The following EVC2 variants were observed in gnomAD, a reference collection of about 807,000 sequenced individuals.
The protein encoded by EVC2 is limbin.
In EVC2, 148 loss-of-function variants were observed where a neutral mutation model predicts 149.3. That is an observed-to-expected ratio of 0.99 (90% CI 0.87 to 1.14). The LOEUF is 1.14. Ranked by LOEUF, EVC2 falls within the 50% of genes most tolerant of loss-of-function variation. The probability of loss-of-function intolerance (pLI) is 0.00; values close to 1 mark genes in which losing one functional copy is unlikely to be tolerated. For missense variants in EVC2, 1,854 were observed against 1,627.3 expected, an observed-to-expected ratio of 1.14 and a Z score of -2.40; for synonymous variants, 776 against 649.9, an observed-to-expected ratio of 1.19 and a Z score of -2.95.
At chr4:5,593,539 G>A (rs964911524) in intron 16 of EVC2, among the ~76,000 whole-genome samples, 2 of 152,312 alleles carry the variant, frequency 1.3e-5, no homozygotes, top group East Asian at 1.9e-4. Flanking sequence ...CTAAAGAAAC[G>A]CTGCTGAAAT....
intron 21 of EVC2, among the ~76,000 whole-genome samples, chr4:5,544,188 C>T (rs1007725278): frequency 2.6e-5 from 4 of 151,900 alleles, no homozygotes; most frequent in Admixed American, 1.3e-4. Context: ...GCTTACCTGG[C>T]CACAACCTAA....
chr4:5,574,131 G>A (rs1722783417), intron 19 of EVC2, among the ~76,000 whole-genome samples: 1 of 152,202 alleles, frequency 6.6e-6, no homozygotes, highest in Non-Finnish European at 1.5e-5. Context: ...ACAGACACCA[G>A]AAGCACAGGA....
Position 5,575,844 on chromosome 4 carries a change from T to C in EVC2, c.3272+396A>G, listed in dbSNP as rs745430514. 3.3e-5 allele frequency among the ~76,000 whole-genome samples: 5 copies of C among 152,180 alleles called. No individual in the cohort carries two copies. The South Asian group carries it at 6.2e-4, about 19-fold the overall frequency. On this transcript the variant is annotated intron_variant, in intron 18 of 21. Transcript: ENST00000344408. ...ATAAAATACTATGCTTATGGTGAAA[T>C]TGCAATAAGGCCTGTAGTCTAGTTC...
chr4:5,616,790 G>A (rs536490073), intron 15 of EVC2, among the ~76,000 whole-genome samples: 3 of 152,242 alleles, frequency 2.0e-5, no homozygotes, highest in East Asian at 1.9e-4. Context: ...GGAGAATGTG[G>A]AGCGAGCACC....
rs1275653312 is a variant in EVC2, at chr4:5,569,596, C to A, written c.3361-956G>T. Reference sequence around the variant, plus strand: ...GGCCCCAGGACAGAGCTATTGGGTGCCCAAAGGCCATGAGAAGGAGCAGTG... The same window carrying A: ...GGCCCCAGGACAGAGCTATTGGGTGACCAAAGGCCATGAGAAGGAGCAGTG... On this transcript the variant is annotated intron_variant, in intron 19 of 21. Transcript: ENST00000344408. This position sits in a 1 kb window ranked among gnomAD's most constrained non-coding sequence, Gnocchi z 4.8. Among the ~76,000 whole-genome samples the A allele has an allele frequency of 2.0e-5, 3 of 152,130 alleles. No individual in the cohort carries two copies. The highest frequency in any genetic ancestry group is 4.2e-4 in the South Asian group (2 of 4,808).
intron 9 of EVC2, among the ~76,000 whole-genome samples, chr4:5,644,318 T>C (rs1717552976): frequency 6.6e-6 from 1 of 152,216 alleles, no homozygotes; most frequent in African/African-American, 2.4e-5. Flanking sequence ...TATTTATTTA[T>C]TCTTTTAGAC....
At position 5,615,490 on chromosome 4, in the gene EVC2, G is replaced by A. The variant is rs754377858; in HGVS notation, c.2761C>T (p.Leu921=). 3.7e-6 allele frequency: 6 copies of A among 1,614,116 alleles called. No homozygotes were observed. The highest frequency in any genetic ancestry group is 5.1e-6 in the Non-Finnish European group (6 of 1,180,058). Residue 921 remains leucine (L), a synonymous_variant, in exon 16 of 22, where the codon CTG becomes TTG. Coordinates refer to ENST00000344408, the MANE Select transcript of EVC2 (RefSeq NM_147127.5). ...RSKSKSKGEL[L]KKCIEDKIHL... ...ATTTTGTCTTCGATGCACTTCTTCA[G>A]AAGCTCTCCCTTGCTTTTACTCTTG...
At chr4:5,572,005 C>T (rs1156730332) in intron 19 of EVC2, among the ~76,000 whole-genome samples, 1 of 152,200 alleles carries the variant, frequency 6.6e-6, no homozygotes, top group Non-Finnish European at 1.5e-5. Context: ...GCCAACCCTG[C>T]AGAATTTGGA....
At chr4:5,565,485 A>G in intron 20 of EVC2, 126 bp from the exon 21 acceptor site, 1 of 768,058 alleles carries the variant, frequency 1.3e-6, no homozygotes, top group Non-Finnish European at 2.2e-6. Flanking sequence ...AGCCTGGCCA[A>G]CATGGTGAAA....
intron 17 of EVC2, 31 bp downstream of exon 17, chr4:5,584,592 T>C (rs1712098121): frequency 3.7e-6 from 6 of 1,601,468 alleles, no homozygotes; most frequent in Non-Finnish European, 5.1e-6. Context: ...CCCAGCTCTG[T>C]CCCCCTCTCC....
intron 21 of EVC2, among the ~76,000 whole-genome samples, chr4:5,563,658 G>A (rs1459230641): frequency 1.3e-5 from 2 of 152,110 alleles, no homozygotes; most frequent in African/African-American, 4.8e-5. Context: ...GGAGTTTTGC[G>A]AGCCCACTGT....
intron 9 of EVC2, among the ~76,000 whole-genome samples, chr4:5,656,097 T>C (rs2108886100): frequency 6.6e-6 from 1 of 152,276 alleles, no homozygotes; most frequent in African/African-American, 2.4e-5. Context: ...GAGTCTCCTC[T>C]TGCATGACCT....
intron 16 of EVC2, among the ~76,000 whole-genome samples, chr4:5,598,961 C>T (rs1713724386): frequency 6.6e-6 from 1 of 152,116 alleles, no homozygotes; most frequent in African/African-American, 2.4e-5. Context: ...CCAAAAGACA[C>T]ATGAAAAAAT....
chr4:5,682,428 T>C (rs532798172), intron 6 of EVC2, among the ~76,000 whole-genome samples: 2 of 150,942 alleles, frequency 1.3e-5, no homozygotes, highest in South Asian at 4.2e-4. Flanking sequence ...AGGAGGAGGT[T>C]GCAGTGAGCT....
chr4:5,582,796 G>A (rs1291969566), intron 17 of EVC2, among the ~76,000 whole-genome samples: 4 of 152,194 alleles, frequency 2.6e-5, no homozygotes, highest in African/African-American at 9.7e-5. Context: ...TGTTCAGCAC[G>A]ATCCCTTCGG....
intron 16 of EVC2, among the ~76,000 whole-genome samples, chr4:5,598,718 T>A (rs997465765): frequency 6.6e-6 from 1 of 152,062 alleles, no homozygotes; most frequent in African/African-American, 2.4e-5. Flanking sequence ...AATTGACAAA[T>A]GGGATCTCAT....
chr4:5,664,737 C>G (rs1438473978), intron 8 of EVC2, among the ~76,000 whole-genome samples: 1 of 152,192 alleles, frequency 6.6e-6, no homozygotes, highest in Non-Finnish European at 1.5e-5. Flanking sequence ...CTAAGCCCAT[C>G]AGGGCCCAGG....
At position 5,618,036 on chromosome 4, in the gene EVC2, T is replaced by C. The variant is rs1577163865; in HGVS notation, c.2706+442A>G. Among the ~76,000 whole-genome samples the C allele has an allele frequency of 6.6e-6, 1 of 152,288 alleles. No homozygotes were observed. The highest frequency in any genetic ancestry group is 2.1e-4 in the South Asian group (1 of 4,830). ...CCAGTCATCATCCTTTAAGACCCTG[T>C]GCAAGAGCCCCTCTTTCCCTGACCC... On this transcript the variant is annotated intron_variant, in intron 15 of 21. Coordinates refer to ENST00000344408, the MANE Select transcript of EVC2 (RefSeq NM_147127.5). The surrounding 1 kb of genome is among the most constrained non-coding windows in gnomAD (Gnocchi z 4.4).
At position 5,708,295 on chromosome 4, in the gene EVC2, G is replaced by A. The variant is rs1423567913; in HGVS notation, c.219C>T (p.Ser73=). ...GTCGGGCCCTCCTTACCTGCGTGCT[G>A]CTCTCGGGCCCCGCCCCGCTCCGCC... ...PPGRSGAGPE[S]STQDLPCMIW... Residue 73 remains serine, a synonymous_variant, in exon 1 of 22, where the codon AGC becomes AGT. Transcript: ENST00000344408. 6 of 1,474,366 alleles carry A rather than the reference G, an allele frequency of 4.1e-6. No individual in the cohort carries two copies. The East Asian group carries it at 8.5e-5, about 21-fold the overall frequency. 91.3% of individuals were successfully genotyped at this position (1,474,366 alleles called of 1,614,324 possible). A position where few individuals can be genotyped will look rare whatever the true frequency, so the allele number is the denominator to read the frequency against.
Sources: gnomAD v4.1 joint callset for allele counts (sites outside exome capture counted in the v4.1 genomes callset) on GRCh38, gnomAD v4.1.1 for gene constraint, Gnocchi (gnomAD v3.1) non-coding constraint, MANE v1.5 for transcripts, NCBI Gene and HGNC (gene_info 2026-07-23, HGNC 2026-07-21) for gene names.